The following RSPH6A variants were observed in gnomAD, a reference collection of about 807,000 sequenced individuals.
RSPH6A encodes radial spoke head protein 6 homolog A.
A neutral mutation model predicts 66.1 loss-of-function variants in RSPH6A; 49 were observed. The observed-to-expected ratio is 0.74, with a 90% CI of 0.59 to 0.94. RSPH6A has a LOEUF of 0.94. RSPH6A is among the 40% of genes least tolerant of loss of function. The pLI is 0.00. For synonymous variants in RSPH6A, 419 were observed against 402.4 expected, an observed-to-expected ratio of 1.04 and a Z score of -0.49; for missense variants, 977 against 948.3, an observed-to-expected ratio of 1.03 and a Z score of -0.40.
chr19:45,802,273 G>T lies in RSPH6A; in HGVS notation c.1654-9C>A. 3 of 1,366,502 alleles carry T rather than the reference G, an allele frequency of 2.2e-6. No individual in the cohort carries two copies. The highest frequency in any genetic ancestry group is 1.5e-5 in the African/African-American group (1 of 67,328). The allele number at this position is 1,366,502 out of a possible 1,614,324, so 84.6% of individuals were successfully genotyped here. A position where few individuals can be genotyped will look rare whatever the true frequency, so the allele number is the denominator to read the frequency against. On this transcript the variant is annotated splice_polypyrimidine_tract_variant and intron_variant, in intron 3 of 5. Transcript: ENST00000221538. ...ACCCAAGTGCAGCGGCCCTGGGGGTGGGGGGAAGCTCAGGTGATGGCCCCA... is the reference window on the plus strand; with the variant it reads ...ACCCAAGTGCAGCGGCCCTGGGGGTTGGGGGAAGCTCAGGTGATGGCCCCA...
intron 5 of RSPH6A, among the ~76,000 whole-genome samples, chr19:45,797,705 A>G (rs1970423210): frequency 6.6e-6 from 1 of 151,614 alleles, no homozygotes; most frequent in Admixed American, 6.6e-5. Context: ...ACATCTCTAC[A>G]AAAAATACAA....
chr19:45,814,296 A>G (rs1970669639), intron 1 of RSPH6A, among the ~76,000 whole-genome samples: 1 of 152,200 alleles, frequency 6.6e-6, no homozygotes, highest in African/African-American at 2.4e-5. Flanking sequence ...GTAAAGTAGG[A>G]TGAGCTGATG....
Position 45,804,741 on chromosome 19 carries a change from G to T in RSPH6A, c.1164C>A (p.Gly388=). 1 of 1,610,072 alleles carries T rather than the reference G, an allele frequency of 6.2e-7. No individual in the cohort carries two copies. Among genetic ancestry groups the T allele is most frequent in the Non-Finnish European group, 8.5e-7 (1 of 1,179,212 alleles). ...TEGGEVMEAH[G]EEEGEEDEEK... ...CCTCGTCCTCCTCGCCCTCCTCCTC[G>T]CCGTGCGCCTCCATGACCTCGCCAC... The change falls in exon 3 of 6, where the codon GGC becomes GGA. Residue 388 remains glycine (G), a synonymous_variant. Transcript: ENST00000221538. This position sits in a 1 kb window ranked among gnomAD's most constrained non-coding sequence, Gnocchi z 5.8.
rs754284146 is a variant in RSPH6A at position 45,795,909 on chromosome 19, T to TCCTCCTCCTCCTCGC, written c.2113_2114insGCGAGGAGGAGGAGG (p.Glu704_Glu705insGlyGluGluGluGlu). ...CTCGCCCTCCTCCTCCTCCTCGCCC[T>TCCTCCTCCTCCTCGC]CCTCCTCCTCCTCTGTGGCTCCCAG... On this transcript the variant is annotated inframe_insertion, in exon 6 of 6. Transcript: ENST00000221538. The TCCTCCTCCTCCTCGC allele has an allele frequency of 2.9e-4, 419 of 1,429,160 alleles. No individual in the cohort carries two copies. The highest frequency in any genetic ancestry group is 9.3e-4 in the Admixed American group (48 of 51,542). 88.5% of individuals were successfully genotyped at this position (1,429,160 alleles called of 1,614,324 possible). A position where few individuals can be genotyped will look rare whatever the true frequency, so the allele number is the denominator to read the frequency against.
intron 1 of RSPH6A, among the ~76,000 whole-genome samples, chr19:45,813,878 G>A (rs1427217291): frequency 3.3e-5 from 5 of 152,102 alleles, no homozygotes; most frequent in African/African-American, 1.2e-4. Context: ...GGTCTCAGGA[G>A]GGCTGGGCAC....
In RSPH6A at chr19:45,808,238, T is replaced by C. The variant is rs377761819; in HGVS notation, c.888+2365A>G. Among the ~76,000 whole-genome samples the C allele has an allele frequency of 5.2e-4, 79 of 152,272 alleles. No individual in the cohort carries two copies. In the South Asian group the frequency reaches 0.016, roughly 30 times the overall value. ...GGTCAAGTGTTCGAGACTAGCCTGG[T>C]CAACGTGGCAAAATCCTGTCTCTAC... On this transcript the variant is annotated intron_variant, in intron 2 of 5. Transcript: ENST00000221538.
In RSPH6A at chr19:45,810,593, G is replaced by A. The variant is rs1178598805; in HGVS notation, c.888+10C>T. ...CCCTGATGCCCACCTCTCCTGACTG[G>A]CTCACTCACCACCTCCTCCTCCATC... On this transcript the variant is annotated intron_variant, in intron 2 of 5. Coordinates refer to ENST00000221538, the MANE Select transcript of RSPH6A (RefSeq NM_030785.4). 1.2e-6 allele frequency: 2 copies of A among 1,611,912 alleles called. No homozygotes were observed. Among genetic ancestry groups the A allele is most frequent in the East Asian group, 2.2e-5 (1 of 44,888 alleles).
At position 45,804,586 on chromosome 19, in the gene RSPH6A, C is replaced by T. The variant is rs775344131; in HGVS notation, c.1319G>A (p.Arg440Gln). Residue 440 changes from arginine (R) to glutamine (Q), a missense_variant, in exon 3 of 6, where the codon CGG (arginine) becomes CAG (glutamine). By Grantham distance (43) the Arg-to-Gln change is conservative (BLOSUM62 1). Transcript: ENST00000221538. This position sits in a 1 kb window ranked among gnomAD's most constrained non-coding sequence, Gnocchi z 5.8. ...VCNEPGLPWT[R>Q]LPHVTPAQIV... is the part of the protein sequence containing the mutation. ...CTGGGCTGGAGTGACGTGGGGCAGC[C>T]GCGTCCATGGCAGGCCCGGCTCGTT... 15 of 1,614,018 alleles carry T rather than the reference C, an allele frequency of 9.3e-6. No individual in the cohort carries two copies. The highest frequency in any genetic ancestry group is 2.7e-5 in the African/African-American group (2 of 74,904).
In RSPH6A at chr19:45,814,758, T is replaced by C; in HGVS notation, c.419A>G (p.Glu140Gly). Residue 140 changes from glutamate to glycine, a missense_variant, in exon 1 of 6, where the codon GAG becomes GGG. By Grantham distance (98) the Glu-to-Gly change is moderately conservative. Coordinates refer to ENST00000221538, the MANE Select transcript of RSPH6A (RefSeq NM_030785.4). ...CTGGCCCAAGGGGTTGACTGGGGGC[T>C]CCTGGAAGGTGGGGTCCAGTTGCTG... Reference protein sequence around the residue: ...LFQQLDPTFQEPPVNPLGQFN... With the variant: ...LFQQLDPTFQGPPVNPLGQFN... 7 of 1,613,824 alleles carry C rather than the reference T, an allele frequency of 4.3e-6. No individual in the cohort carries two copies. Among genetic ancestry groups the C allele is most frequent in the Non-Finnish European group, 5.9e-6 (7 of 1,179,870 alleles).
intron 2 of RSPH6A, among the ~76,000 whole-genome samples, chr19:45,807,212 A>C (rs1290751932): frequency 6.9e-6 from 1 of 144,604 alleles, no homozygotes; most frequent in Non-Finnish European, 1.5e-5. Flanking sequence ...ATTTTTTAAA[A>C]ATTATTATTA....
chr19:45,810,514 C>A, intron 2 of RSPH6A, 89 bp downstream of exon 2: 1 of 1,230,204 alleles, frequency 8.1e-7, no homozygotes, highest in South Asian at 1.3e-5. Context: ...TGCTGTCTTT[C>A]GCCTCCAGGC....
chr19:45,809,818 T>C (rs761370610), intron 2 of RSPH6A, among the ~76,000 whole-genome samples: 1 of 152,194 alleles, frequency 6.6e-6, no homozygotes, highest in Non-Finnish European at 1.5e-5. Flanking sequence ...CAGGAAGGAA[T>C]GGTTTATTGC....
chr19:45,802,598 C>G (rs913937267), intron 3 of RSPH6A, among the ~76,000 whole-genome samples: 4 of 150,618 alleles, frequency 2.7e-5, no homozygotes, highest in African/African-American at 9.8e-5. Flanking sequence ...CCTCTGCCTC[C>G]CGGTTTAAGT....
At chr19:45,812,788 C>T (rs1179340043) in intron 1 of RSPH6A, among the ~76,000 whole-genome samples, 1 of 151,606 alleles carries the variant, frequency 6.6e-6, no homozygotes, top group Non-Finnish European at 1.5e-5. Context: ...CTCTGCCTCC[C>T]GGTTCAAGTG....
intron 4 of RSPH6A, among the ~76,000 whole-genome samples, chr19:45,800,945 G>A (rs1413066982): frequency 4.6e-5 from 7 of 151,896 alleles, no homozygotes; most frequent in African/African-American, 1.5e-4. Flanking sequence ...TTACAGGCAT[G>A]CACCACCACG....
At chr19:45,800,730 CCACACACACACACACACACACACACA>C (rs3045732) in intron 4 of RSPH6A, among the ~76,000 whole-genome samples, 167 bp from the exon 5 acceptor site, 1 of 113,332 alleles carries the variant, frequency 8.8e-6, no homozygotes, top group Non-Finnish European at 1.7e-5. Context: ...TCGCTGCAGA[CCACACACACACACACACACACACACA>C]CACACACACA....
chr19:45,803,036 A>G (rs535664227), intron 3 of RSPH6A, among the ~76,000 whole-genome samples: 71 of 150,616 alleles, frequency 4.7e-4, no homozygotes, highest in African/African-American at 1.7e-3. Context: ...GTGAAACCCC[A>G]TCTCTACTAA....
chr19:45,796,091 G>C lies in RSPH6A; in HGVS notation c.1932C>G (p.Ile644Met). The change falls in exon 6 of 6, where the codon ATC (isoleucine) becomes ATG (methionine). Residue 644 changes from isoleucine (I) to methionine (M), a missense_variant. Coordinates refer to ENST00000221538, the MANE Select transcript of RSPH6A (RefSeq NM_030785.4). ...AYASGKKFEN[I>M]YIGWGHKYSP... ...TGTACTTGTGACCCCAGCCGATGTA[G>C]ATGTTCTCAAACTTTCTGGAGAAGC... is the stretch of plus-strand genomic sequence containing the variant. 6.4e-7 allele frequency: 1 copy of C among 1,574,482 alleles called. No individual in the cohort carries two copies. Among genetic ancestry groups the C allele is most frequent in the Non-Finnish European group, 8.7e-7 (1 of 1,155,098 alleles).
intron 3 of RSPH6A, among the ~76,000 whole-genome samples, chr19:45,803,693 G>GAAAAAAAAAAA (rs372215678): frequency 2.9e-5 from 4 of 136,042 alleles, no homozygotes; most frequent in Non-Finnish European, 4.8e-5. Context: ...GAAAAGAAAA[G>GAAAAAAAAAAA]AAAAAAAAAA....
Sources: allele counts gnomAD v4.1 joint callset (sites outside exome capture counted in the v4.1 genomes callset), GRCh38; gene constraint gnomAD v4.1.1; non-coding constraint Gnocchi (gnomAD v3.1); transcripts MANE v1.5; gene names NCBI Gene and HGNC (gene_info 2026-07-23, HGNC 2026-07-21).